Variants in GRIN2B observed in about 807,000 individuals in gnomAD.
GRIN2B encodes the protein glutamate receptor ionotropic, NMDA 2B.
Under a neutral mutation model 114.5 loss-of-function variants are expected in GRIN2B, and 5 were observed. The observed-to-expected ratio is 0.04, with a 90% CI of 0.02 to 0.09. The LOEUF (loss-of-function observed/expected upper bound fraction) is 0.09, where lower values mean the gene tolerates loss of function less well. GRIN2B is among the 10% of genes least tolerant of loss of function. The probability of loss-of-function intolerance (pLI) is 1.00; values close to 1 mark genes in which losing one functional copy is unlikely to be tolerated. For missense variants in GRIN2B, 1,108 were observed against 1,943.5 expected (o/e 0.57, Z 8.08); for synonymous variants, 787 against 745.1 (o/e 1.06, Z -0.92).
chr12:13,813,450 G>A (rs1418698880), intron 3 of GRIN2B, among the ~76,000 whole-genome samples: 1 of 152,120 alleles, frequency 6.6e-6, no homozygotes, highest in African/African-American at 2.4e-5. Context: ...ACCAAGAATT[G>A]GAAACAGGAT....
intron 5 of GRIN2B, among the ~76,000 whole-genome samples, chr12:13,630,117 T>C (rs1949604930): frequency 6.6e-6 from 1 of 152,202 alleles, no homozygotes; most frequent in African/African-American, 2.4e-5. Flanking sequence ...TAAGGAAGAT[T>C]ACCACGGTAA....
At chr12:13,891,679 A>T (rs1866265051) in intron 2 of GRIN2B, among the ~76,000 whole-genome samples, 1 of 152,210 alleles carries the variant, frequency 6.6e-6, no homozygotes. Context: ...TGGTGCTGGC[A>T]AAAGGTGTCA....
chr12:13,618,911 G>A (rs1319788642), intron 5 of GRIN2B, among the ~76,000 whole-genome samples: 1 of 152,030 alleles, frequency 6.6e-6, no homozygotes, highest in Non-Finnish European at 1.5e-5. Context: ...GAGTTTCTCA[G>A]ATACTATTGT....
intron 2 of GRIN2B, among the ~76,000 whole-genome samples, chr12:13,891,009 G>A (rs770781995): frequency 3.2e-4 from 48 of 152,048 alleles, no homozygotes; most frequent in Non-Finnish European, 4.7e-4. Context: ...GCCAATCTCC[G>A]CTCCCTATCA....
chr12:13,771,840 G>A (rs1863915279), intron 3 of GRIN2B, among the ~76,000 whole-genome samples: 1 of 152,226 alleles, frequency 6.6e-6, no homozygotes. Flanking sequence ...CTAAGCATCA[G>A]TCATATCTGA....
chr12:13,931,457 C>T lies in GRIN2B; in HGVS notation c.-19+48471G>A, dbSNP rs536207761. Among the ~76,000 whole-genome samples, 100 of 152,292 alleles carry T rather than the reference C, an allele frequency of 6.6e-4. 1 individual carries two copies. The highest frequency in any genetic ancestry group is 2.4e-3 in the African/African-American group (98 of 41,570). Reference sequence around the variant, plus strand: ...TTTCTGTCTCTCTCTGTCTCTCCTCCTTTTCTCACCCTCTAAAAGTAGAAT... The same window carrying T: ...TTTCTGTCTCTCTCTGTCTCTCCTCTTTTTCTCACCCTCTAAAAGTAGAAT... On this transcript the variant is annotated intron_variant, in intron 2 of 13. Transcript: ENST00000609686.
At chr12:13,818,572 T>C (rs1408273852) in intron 3 of GRIN2B, among the ~76,000 whole-genome samples, 1 of 152,222 alleles carries the variant, frequency 6.6e-6, no homozygotes, top group African/African-American at 2.4e-5. Context: ...TCAAACCTCA[T>C]ATAGTTAAAT....
intron 5 of GRIN2B, among the ~76,000 whole-genome samples, chr12:13,649,716 A>C (rs1949797046): frequency 6.6e-6 from 1 of 152,038 alleles, no homozygotes; most frequent in South Asian, 2.1e-4. Context: ...ATGTCCCCAG[A>C]AGAAGCTGCT....
At chr12:13,597,831 A>C (rs895367904) in intron 10 of GRIN2B, among the ~76,000 whole-genome samples, 1 of 152,224 alleles carries the variant, frequency 6.6e-6, no homozygotes, top group African/African-American at 2.4e-5. Context: ...CAGTAGAACC[A>C]TATGTGAAGA....
chr12:13,852,854 C>G (rs1865595253), intron 3 of GRIN2B, among the ~76,000 whole-genome samples: 2 of 152,012 alleles, frequency 1.3e-5, no homozygotes. Flanking sequence ...TAACATGGCC[C>G]CATTCTTACA....
At chr12:13,829,194 C>T (rs1296390313) in intron 3 of GRIN2B, among the ~76,000 whole-genome samples, 3 of 152,180 alleles carry the variant, frequency 2.0e-5, no homozygotes, top group Non-Finnish European at 4.4e-5. Flanking sequence ...AATCACCTTT[C>T]ATTAAAAGAT....
chr12:13,806,404 A>G (rs1475825297), intron 3 of GRIN2B, among the ~76,000 whole-genome samples: 1 of 152,132 alleles, frequency 6.6e-6, no homozygotes, highest in African/African-American at 2.4e-5. Flanking sequence ...TGTATTTTTC[A>G]TAATAGCCAT....
chr12:13,564,388 G>A lies in GRIN2B; in HGVS notation c.2850C>T (p.Asn950=). Residue 950 remains asparagine, a synonymous_variant, in exon 14 of 14, where the codon AAC becomes AAT. Coordinates refer to ENST00000609686, the MANE Select transcript of GRIN2B (RefSeq NM_000834.5). The surrounding 1 kb of genome is among the most constrained non-coding windows in gnomAD (Gnocchi z 4.8). ...SFTHSDCKSY[N]NPPCEENLFS... Reference sequence around the variant, plus strand: ...AGAGGTTCTCCTCACAGGGCGGGTTGTTGTAGGATTTGCAGTCAGAATGCG... The same window carrying A: ...AGAGGTTCTCCTCACAGGGCGGGTTATTGTAGGATTTGCAGTCAGAATGCG... 3 of 1,614,234 alleles carry A rather than the reference G, an allele frequency of 1.9e-6. No individual in the cohort carries two copies. The highest frequency in any genetic ancestry group is 2.5e-6 in the Non-Finnish European group (3 of 1,180,042).
chr12:13,906,527 T>C (rs1866536890), intron 2 of GRIN2B, among the ~76,000 whole-genome samples: 1 of 152,242 alleles, frequency 6.6e-6, no homozygotes. Context: ...AGAAAATGTG[T>C]GGTTTTCACA....
chr12:13,842,933 T>C (rs1413680416), intron 3 of GRIN2B, among the ~76,000 whole-genome samples: 1 of 138,028 alleles, frequency 7.2e-6, no homozygotes, highest in East Asian at 2.1e-4. Flanking sequence ...TTTTTTTTTT[T>C]TTTTTTAGAA....
At chr12:13,708,718 AGG>A (rs1412952076) in intron 4 of GRIN2B, among the ~76,000 whole-genome samples, 7 of 152,004 alleles carry the variant, frequency 4.6e-5, no homozygotes, top group Non-Finnish European at 1.0e-4. Context: ...ATACACAGAG[AGG>A]TTAATCAACT....
At chr12:13,883,533 T>C (rs1282648648) in intron 2 of GRIN2B, among the ~76,000 whole-genome samples, 1 of 152,148 alleles carries the variant, frequency 6.6e-6, no homozygotes, top group Non-Finnish European at 1.5e-5. Flanking sequence ...TAGTTTTGAG[T>C]CGAATCTCCT....
chr12:13,904,747 T>C (rs1028141362), intron 2 of GRIN2B, among the ~76,000 whole-genome samples: 2 of 152,138 alleles, frequency 1.3e-5, no homozygotes, highest in African/African-American at 2.4e-5. Context: ...TCAGTTATTT[T>C]CTTTTGACAC....
chr12:13,917,476 CAG>C (rs1367226459), intron 2 of GRIN2B, among the ~76,000 whole-genome samples: 1 of 151,996 alleles, frequency 6.6e-6, no homozygotes, highest in Non-Finnish European at 1.5e-5. Context: ...AGTTAATGTA[CAG>C]AGAGAAATGT....
Sources: allele counts gnomAD v4.1 joint callset (sites outside exome capture counted in the v4.1 genomes callset), GRCh38; gene constraint gnomAD v4.1.1; non-coding constraint Gnocchi (gnomAD v3.1); transcripts MANE v1.5; gene names NCBI Gene and HGNC (gene_info 2026-07-23, HGNC 2026-07-21).